The following STPG2 variants were observed in gnomAD, a reference collection of about 807,000 sequenced individuals.
The protein encoded by STPG2 is sperm-tail PG-rich repeat-containing protein 2.
A neutral mutation model predicts 54.2 loss-of-function variants in STPG2; 56 were observed. That is an observed-to-expected ratio of 1.03 (90% confidence interval 0.83 to 1.29). STPG2 has a LOEUF of 1.29. Among genes scored for constraint, STPG2 ranks in the 50% most tolerant of loss-of-function variants. STPG2 has a pLI of 0.00. For missense variants in STPG2, 596 were observed against 544.9 expected (o/e 1.09, Z -0.93); for synonymous variants, 200 against 181.8 (o/e 1.10, Z -0.81).
chr4:97,742,541 G>A (rs1725283157), intron 9 of STPG2, among the ~76,000 whole-genome samples: 1 of 141,642 alleles, frequency 7.1e-6, no homozygotes, highest in Non-Finnish European at 1.5e-5. Context: ...GTGTGTGTGT[G>A]TGTGTGTGTG....
rs528920979 is a variant in STPG2, at chr4:97,863,274, G to A, written c.1045-22342C>T. Among the ~76,000 whole-genome samples, 362 of 152,204 alleles carry A rather than the reference G, an allele frequency of 2.4e-3. 1 individual carries two copies. Among genetic ancestry groups the A allele is most frequent in the Admixed American group, 5.2e-3 (80 of 15,278 alleles). On this transcript the variant is annotated intron_variant, in intron 8 of 10. Coordinates refer to ENST00000295268, the MANE Select transcript of STPG2 (RefSeq NM_174952.3). ...ACATGATGAAGGGGATATCACCACCGATCCCACAGAAATACAAACTACCAT... is the reference window on the plus strand; with the variant it reads ...ACATGATGAAGGGGATATCACCACCAATCCCACAGAAATACAAACTACCAT...
intron 4 of STPG2, among the ~76,000 whole-genome samples, chr4:98,107,274 C>G (rs1739215429): frequency 6.6e-6 from 1 of 152,048 alleles, no homozygotes; most frequent in Non-Finnish European, 1.5e-5. Context: ...AAGAATAATT[C>G]TGACTCACTA....
chr4:97,928,331 C>T (rs1313072426), intron 8 of STPG2, among the ~76,000 whole-genome samples: 1 of 152,170 alleles, frequency 6.6e-6, no homozygotes, highest in Non-Finnish European at 1.5e-5. Context: ...TACTTTCTAA[C>T]TCTTGGAAAA....
chr4:97,534,319 T>C (rs1731481411), intron 4 of STPG2, among the ~76,000 whole-genome samples: 1 of 152,146 alleles, frequency 6.6e-6, no homozygotes, highest in Non-Finnish European at 1.5e-5. Flanking sequence ...ATTTCCATTA[T>C]ATGCGGTTTT....
intron 10 of STPG2, among the ~76,000 whole-genome samples, chr4:97,647,241 T>C (rs937656301): frequency 1.3e-5 from 2 of 152,172 alleles, no homozygotes; most frequent in African/African-American, 4.8e-5. Flanking sequence ...ATTTAAGTTA[T>C]AAATAAGCAC....
chr4:97,528,422 G>T (rs538253202), intron 4 of STPG2, among the ~76,000 whole-genome samples: 1 of 152,278 alleles, frequency 6.6e-6, no homozygotes, highest in Admixed American at 6.5e-5. Flanking sequence ...ATAGTTTGAA[G>T]TCCAGTAGCA....
chr4:97,898,604 A>T (rs1310570026), intron 8 of STPG2, among the ~76,000 whole-genome samples: 1 of 151,772 alleles, frequency 6.6e-6, no homozygotes, highest in Non-Finnish European at 1.5e-5. Flanking sequence ...ACCCTCAGTA[A>T]CCATCATCTA....
intron 8 of STPG2, among the ~76,000 whole-genome samples, chr4:97,926,710 C>T (rs576724472): frequency 6.6e-6 from 1 of 151,888 alleles, no homozygotes; most frequent in Non-Finnish European, 1.5e-5. Flanking sequence ...GTGTGAAAAA[C>T]AAAAAGACAT....
intron 5 of STPG2, among the ~76,000 whole-genome samples, chr4:97,984,997 T>C (rs971843612): frequency 1.7e-4 from 26 of 152,212 alleles, no homozygotes; most frequent in Admixed American, 1.4e-3. Flanking sequence ...CGTGTTTATA[T>C]AGCCAAGTAG....
At chr4:97,796,377 A>G (rs955371406) in intron 9 of STPG2, among the ~76,000 whole-genome samples, 1 of 152,150 alleles carries the variant, frequency 6.6e-6, no homozygotes, top group Non-Finnish European at 1.5e-5. Context: ...TAATTTTTTT[A>G]TAAGGTGTAA....
chr4:97,796,206 T>G (rs1185646906), intron 9 of STPG2, among the ~76,000 whole-genome samples: 6 of 152,208 alleles, frequency 3.9e-5, no homozygotes, highest in Admixed American at 3.9e-4. Flanking sequence ...TTAGTTTAAT[T>G]AGATCCCATT....
chr4:97,561,629 G>T (rs181906449), intron 10 of STPG2, among the ~76,000 whole-genome samples: 124 of 152,256 alleles, frequency 8.1e-4, no homozygotes, highest in Middle Eastern at 3.4e-3. Flanking sequence ...TTTGTATAAG[G>T]GGTAAGGAAG....
At chr4:97,496,526 T>C (rs779209728) in intron 4 of STPG2, among the ~76,000 whole-genome samples, 31 of 151,762 alleles carry the variant, frequency 2.0e-4, no homozygotes, top group Admixed American at 1.1e-3. Context: ...TGAGAATTAC[T>C]GCACTGCCAT....
intron 10 of STPG2, among the ~76,000 whole-genome samples, chr4:97,699,445 C>G (rs906722466): frequency 2.0e-5 from 3 of 152,330 alleles, no homozygotes; most frequent in Non-Finnish European, 4.4e-5. Flanking sequence ...TCAGAGAGGT[C>G]CATCCACATA....
At chr4:97,796,609 T>A (rs1727190073) in intron 9 of STPG2, among the ~76,000 whole-genome samples, 1 of 152,210 alleles carries the variant, frequency 6.6e-6, no homozygotes. Flanking sequence ...TGTAGCCTTG[T>A]AGTATAGTTT....
rs1196213260 is a variant in STPG2, at chr4:97,503,833, A to T, written c.462+208866T>A. On this transcript the variant is annotated intron_variant, in intron 4 of 4. Transcript: ENST00000522676. ...ATATATTTAAATATTTTAAAAATAT[A>T]TTTTCATATTCATATAAATATATTT... Among the ~76,000 whole-genome samples, 4 of 106,256 alleles carry T rather than the reference A, an allele frequency of 3.8e-5. No homozygotes were observed. The East Asian group carries it at 1.1e-3, about 29-fold the overall frequency. 69.7% of individuals were successfully genotyped at this position (106,256 alleles called of 152,430 possible).
chr4:97,758,270 A>G (rs901049708), intron 9 of STPG2, among the ~76,000 whole-genome samples: 1 of 152,236 alleles, frequency 6.6e-6, no homozygotes, highest in Non-Finnish European at 1.5e-5. Context: ...AAGGACTCTT[A>G]TAAAATAACA....
intron 9 of STPG2, among the ~76,000 whole-genome samples, chr4:97,736,357 G>A (rs904375290): frequency 8.5e-5 from 13 of 152,148 alleles, no homozygotes; most frequent in African/African-American, 2.7e-4. Context: ...GACAGTGGGC[G>A]CAGGACAGTG....
At chr4:97,578,852 G>A (rs961289492) in intron 10 of STPG2, among the ~76,000 whole-genome samples, 1 of 152,018 alleles carries the variant, frequency 6.6e-6, no homozygotes, top group Non-Finnish European at 1.5e-5. Flanking sequence ...CGTTACTTAG[G>A]TATTGGGTTC....
Sources: allele counts gnomAD v4.1 joint callset (sites outside exome capture counted in the v4.1 genomes callset), GRCh38; gene constraint gnomAD v4.1.1; transcripts MANE v1.5; gene names NCBI Gene and HGNC (gene_info 2026-07-23, HGNC 2026-07-21).